HK1: variants seen among roughly 807,000 people sequenced by gnomAD.
HK1 encodes hexokinase-1.
HK1 carries 28 observed loss-of-function variants against 91.6 expected under a neutral mutation model. That is an observed-to-expected ratio of 0.31 (90% CI 0.23 to 0.42). The LOEUF (loss-of-function observed/expected upper bound fraction) is 0.42, where lower values mean the gene tolerates loss of function less well. HK1 is among the 10% of genes least tolerant of loss of function. The pLI, the probability that HK1 is intolerant of heterozygous loss-of-function variation, is 1.00. For missense variants in HK1, 770 were observed against 1,219.8 expected, an observed-to-expected ratio of 0.63 and a Z score of 5.49; for synonymous variants, 430 against 468.1, an observed-to-expected ratio of 0.92 and a Z score of 1.05.
upstream of HK1, chr10:69,315,989 G>C (rs778865187): frequency 8.1e-6 from 13 of 1,614,052 alleles, no homozygotes; most frequent in African/African-American, 1.3e-5. Flanking sequence ...TTGCCCTGTC[G>C]AGGTGCTGAG....
chr10:69,322,008 C>T (rs938101456), intron 1 of HK1, among the ~76,000 whole-genome samples: 5 of 152,230 alleles, frequency 3.3e-5, no homozygotes, highest in Non-Finnish European at 5.9e-5. Flanking sequence ...AGGCTGGGTT[C>T]TTTGACCTCT....
At chr10:69,301,615 G>C (rs972713694) in intron 5 of HK1, among the ~76,000 whole-genome samples, 1 of 148,556 alleles carries the variant, frequency 6.7e-6, no homozygotes, top group Admixed American at 6.7e-5. Context: ...ACAATTCCAT[G>C]TATAATAGCA....
intron 3 of HK1, among the ~76,000 whole-genome samples, chr10:69,291,161 G>T (rs1845281847): frequency 6.6e-6 from 1 of 152,224 alleles, no homozygotes; most frequent in Non-Finnish European, 1.5e-5. Flanking sequence ...TTTAAAGCAG[G>T]CCAGGCCAGC....
intron 1 of HK1, among the ~76,000 whole-genome samples, chr10:69,336,698 G>GGC (rs2132651955): frequency 7.1e-6 from 1 of 141,452 alleles, no homozygotes; most frequent in East Asian, 2.1e-4. Context: ...GGAGTGCAGT[G>GGC]GTGCAATCTC....
At chr10:69,354,026 A>G (rs1278416372) in intron 2 of HK1, among the ~76,000 whole-genome samples, 1 of 152,208 alleles carries the variant, frequency 6.6e-6, no homozygotes, top group Middle Eastern at 3.2e-3. Flanking sequence ...ATATGATGCT[A>G]TCTCCAGGTA....
At chr10:69,370,771 T>C (rs1245172948) in intron 7 of HK1, among the ~76,000 whole-genome samples, 1 of 152,140 alleles carries the variant, frequency 6.6e-6, no homozygotes, top group Non-Finnish European at 1.5e-5. Flanking sequence ...GTATCTCCAA[T>C]GTCAAGCATA....
At position 69,368,579 on chromosome 10, in the gene HK1, T is replaced by G; in HGVS notation, c.539T>G (p.Val180Gly). ...TWTKRFKASG[V>G]EGADVVKLLN... The stretch of plus-strand genomic sequence containing the variant: ...ACAAAGCGATTTAAAGCGAGCGGAG[T>G]GGAAGGAGCAGATGTGGTCAAACTG... Residue 180 changes from valine to glycine, a missense_variant, in exon 5 of 18, where the codon GTG (valine) becomes GGG (glycine). Transcript: ENST00000359426. 1 of 1,613,800 alleles carries G rather than the reference T, an allele frequency of 6.2e-7. No individual in the cohort carries two copies. The highest frequency in any genetic ancestry group is 8.5e-7 in the Non-Finnish European group (1 of 1,179,968).
chr10:69,328,215 C>A (rs1330783928), intron 1 of HK1, among the ~76,000 whole-genome samples: 1 of 152,144 alleles, frequency 6.6e-6, no homozygotes, highest in East Asian at 1.9e-4. Flanking sequence ...AAAACTGAAC[C>A]GTGAAGTCGG....
intron 3 of HK1, among the ~76,000 whole-genome samples, chr10:69,362,398 T>C (rs962160910): frequency 6.6e-6 from 1 of 151,524 alleles, no homozygotes; most frequent in Non-Finnish European, 1.5e-5. Flanking sequence ...ATTTCTCAAA[T>C]AAAGAGTGTG....
chr10:69,295,619 T>G (rs754521881), intron 3 of HK1: 12 of 1,590,932 alleles, frequency 7.5e-6, no homozygotes, highest in Non-Finnish European at 1.0e-5. Context: ...TTACTTGTCC[T>G]GTCTTTCTCT....
At chr10:69,276,138 T>TATATAA (rs753204633) in intron 1 of HK1, among the ~76,000 whole-genome samples, 1 of 76,458 alleles carries the variant, frequency 1.3e-5, no homozygotes, top group Non-Finnish European at 2.6e-5. Flanking sequence ...TATATATATA[T>TATATAA]ACACATATAT....
At chr10:69,328,586 G>C (rs767613173) in intron 1 of HK1, among the ~76,000 whole-genome samples, 1 of 152,214 alleles carries the variant, frequency 6.6e-6, no homozygotes, top group African/African-American at 2.4e-5. Flanking sequence ...GATAGAGCCA[G>C]CATTCAGCCT....
At chr10:69,355,469 A>G (rs1849082592) in intron 2 of HK1, among the ~76,000 whole-genome samples, 1 of 152,202 alleles carries the variant, frequency 6.6e-6, no homozygotes, top group Non-Finnish European at 1.5e-5. Flanking sequence ...CATGCAGACT[A>G]ATGGAACAGA....
At chr10:69,295,327 G>A (rs1465324336) in intron 3 of HK1, among the ~76,000 whole-genome samples, 1 of 152,194 alleles carries the variant, frequency 6.6e-6, no homozygotes, top group African/African-American at 2.4e-5. Context: ...TGGATTGTGG[G>A]CTCCTTGAGG....
In HK1 at chr10:69,357,934, T is replaced by C. The variant is rs138639445; in HGVS notation, c.227-1963T>C. On this transcript the variant is annotated intron_variant, in intron 2 of 17. Transcript: ENST00000359426. ...AAAATTGGCTGTGCTGATGGTTGCA[T>C]AACTCCGAATATACTAAAAACCATT... is the stretch of plus-strand genomic sequence containing the variant. Among the ~76,000 whole-genome samples the C allele has an allele frequency of 4.0e-3, 612 of 152,338 alleles. 5 individuals carry two copies. The highest frequency in any genetic ancestry group is 0.014 in the African/African-American group (594 of 41,574).
intron 5 of HK1, among the ~76,000 whole-genome samples, chr10:69,301,745 T>C (rs1845884469): frequency 6.6e-6 from 1 of 152,154 alleles, no homozygotes; most frequent in African/African-American, 2.4e-5. Flanking sequence ...ACATCCCATG[T>C]TCATGGATTG....
At chr10:69,373,327 G>A (rs1850115671) in intron 7 of HK1, among the ~76,000 whole-genome samples, 1 of 152,174 alleles carries the variant, frequency 6.6e-6, no homozygotes, top group Non-Finnish European at 1.5e-5. Flanking sequence ...GGAGGACATT[G>A]TCATAATAGC....
At chr10:69,341,624 T>G (rs200725677) in intron 1 of HK1, among the ~76,000 whole-genome samples, 2 of 152,170 alleles carry the variant, frequency 1.3e-5, no homozygotes, top group East Asian at 3.9e-4. Context: ...ATCACCATGC[T>G]GGGCTAATTT....
chr10:69,285,028 A>G (rs1844950901), intron 2 of HK1, among the ~76,000 whole-genome samples: 1 of 152,032 alleles, frequency 6.6e-6, no homozygotes, highest in Admixed American at 6.5e-5. Flanking sequence ...CATGTTGGCC[A>G]TGATGGTCTC....
Sources: allele counts gnomAD v4.1 joint callset (sites outside exome capture counted in the v4.1 genomes callset), GRCh38; gene constraint gnomAD v4.1.1; transcripts MANE v1.5; gene names NCBI Gene and HGNC (gene_info 2026-07-23, HGNC 2026-07-21).